USP2: variants seen among roughly 807,000 people sequenced by gnomAD.
USP2 encodes ubiquitin carboxyl-terminal hydrolase 2.
USP2 carries 33 observed loss-of-function variants against 72.0 expected under a neutral mutation model. The observed-to-expected ratio is 0.46, with a 90% CI of 0.35 to 0.61. USP2 has a LOEUF of 0.61. USP2 is among the 20% of genes least tolerant of loss of function. The pLI, the probability that USP2 is intolerant of heterozygous loss-of-function variation, is 0.01. For synonymous variants in USP2, 296 were observed against 312.5 expected (o/e 0.95, Z 0.56); for missense variants, 691 against 797.8 (o/e 0.87, Z 1.61).
intron 1 of USP2, among the ~76,000 whole-genome samples, chr11:119,378,440 T>C (rs1951026952): frequency 6.6e-6 from 1 of 152,160 alleles, no homozygotes; most frequent in Admixed American, 6.5e-5. Flanking sequence ...GCTTTGTCTA[T>C]CAGGGGCTAG....
Position 119,356,745 on chromosome 11 carries a change from T to G in USP2, c.*90A>C. 1 of 1,196,888 alleles carries G rather than the reference T, an allele frequency of 8.4e-7. No individual in the cohort carries two copies. The highest frequency in any genetic ancestry group is 1.2e-6 in the Non-Finnish European group (1 of 868,630). 74.1% of individuals were successfully genotyped at this position (1,196,888 alleles called of 1,614,324 possible). A position where few individuals can be genotyped will look rare whatever the true frequency, so the allele number is the denominator to read the frequency against. On this transcript the variant is annotated 3_prime_UTR_variant, in exon 13 of 13. Coordinates refer to ENST00000260187, the MANE Select transcript of USP2 (RefSeq NM_004205.5). Reference sequence around the variant, plus strand: ...TTGTTTTTCTCTTGTCAGGTTTGTGTGTTGTTGTTGTTGTTTTGTTTTTGT... The same window carrying G: ...TTGTTTTTCTCTTGTCAGGTTTGTGGGTTGTTGTTGTTGTTTTGTTTTTGT...
chr11:119,371,932 G>A (rs1358314953), intron 2 of USP2, among the ~76,000 whole-genome samples: 1 of 152,110 alleles, frequency 6.6e-6, no homozygotes, highest in Non-Finnish European at 1.5e-5. Flanking sequence ...CTGAGAGCTT[G>A]CCACCTAATG....
At chr11:119,380,869 TC>T (rs1951051594) in intron 1 of USP2, 1 of 155,238 alleles carries the variant, frequency 6.4e-6, no homozygotes, top group African/African-American at 2.4e-5. Context: ...TCAGTCCCAT[TC>T]TAAAGGCAGC....
Position 119,373,131 on chromosome 11 carries a change from A to C in USP2, c.350T>G (p.Val117Gly), listed in dbSNP as rs200277007. 2 of 1,613,956 alleles carry C rather than the reference A, an allele frequency of 1.2e-6. No individual in the cohort carries two copies. The highest frequency in any genetic ancestry group is 2.7e-5 in the African/African-American group (2 of 74,970). ...LSGGSGFPYG[V>G]TNNCLSYLPI... is the part of the protein sequence containing the mutation. ...CAGGTAGCTGAGGCAGTTGTTGGTC[A>C]CTCCATAAGGGAATCCGCTGCCCCC... The change falls in exon 2 of 13, where the codon GTG becomes GGG. Residue 117 changes from valine to glycine, a missense_variant. Physicochemically the swap from Val to Gly is moderately radical, Grantham distance 109. Coordinates refer to ENST00000260187, the MANE Select transcript of USP2 (RefSeq NM_004205.5).
chr11:119,357,507 T>C lies in USP2; in HGVS notation c.1585A>G (p.Arg529Gly), dbSNP rs935279473. ...VNFPLRDLDLREFASENTNHA... is the reference protein window; with the variant it reads ...VNFPLRDLDLGEFASENTNHA... ...CTGGTGTTTTCTGAGGCAAATTCTC[T>C]TAAGTCCAGGTCTCTTAGGGGGAAG... The change falls in exon 11 of 13, where the codon AGA (arginine) becomes GGA (glycine). Residue 529 changes from arginine (R) to glycine (G), a missense_variant. Arg to Gly is a moderately radical substitution (Grantham distance 125). Coordinates refer to ENST00000260187, the MANE Select transcript of USP2 (RefSeq NM_004205.5). 4 of 1,614,062 alleles carry C rather than the reference T, an allele frequency of 2.5e-6. No individual in the cohort carries two copies. The highest frequency in any genetic ancestry group is 2.7e-5 in the African/African-American group (2 of 74,928).
At chr11:119,373,748 A>G (rs1433561443) in intron 1 of USP2, among the ~76,000 whole-genome samples, 5 of 152,082 alleles carry the variant, frequency 3.3e-5, no homozygotes, top group Admixed American at 2.6e-4. Context: ...TGGCTTTTAT[A>G]TGCCACACAG....
chr11:119,360,481 TG>T (rs1464975096), intron 2 of USP2: 2 of 555,498 alleles, frequency 3.6e-6, no homozygotes, highest in Non-Finnish European at 6.7e-6. Context: ...TGGAGTGCAG[TG>T]GTACGATCTT....
At position 119,373,079 on chromosome 11, in the gene USP2, C is replaced by T. The variant is rs1390292043; in HGVS notation, c.402G>A (p.Val134=). 4 of 1,613,940 alleles carry T rather than the reference C, an allele frequency of 2.5e-6. No individual in the cohort carries two copies. The Admixed American group carries it at 6.7e-5, about 27-fold the overall frequency. ...YLPINAYDQG[V]TLTQKLDSQS... ...GGCTGTCCAGCTTCTGGGTTAGGGT[C>T]ACCCCCTGGTCATAGGCATTGATGG... The change falls in exon 2 of 13, where the codon GTG becomes GTA. Residue 134 remains valine (V), a synonymous_variant. Coordinates refer to ENST00000260187, the MANE Select transcript of USP2 (RefSeq NM_004205.5).
At chr11:119,370,353 C>A (rs1160675778) in intron 2 of USP2, among the ~76,000 whole-genome samples, 1 of 152,188 alleles carries the variant, frequency 6.6e-6, no homozygotes, top group African/African-American at 2.4e-5. Context: ...TCTTTTCATT[C>A]CTCAAGTAAT....
In USP2 at chr11:119,357,306, G is replaced by A. The variant is rs1950682195; in HGVS notation, c.1611C>T (p.Asn537=). The A allele has an allele frequency of 6.2e-7, 1 of 1,613,496 alleles. No homozygotes were observed. Among genetic ancestry groups the A allele is most frequent in the African/African-American group, 1.3e-5 (1 of 74,818 alleles). The change falls in exon 12 of 13, where the codon AAC becomes AAT. Residue 537 remains asparagine, a splice_region_variant and synonymous_variant. Coordinates refer to ENST00000260187, the MANE Select transcript of USP2 (RefSeq NM_004205.5). The stretch of plus-strand genomic sequence containing the variant: ...CAGCGTACAGGTTGTAAACAGCATG[G>A]TCTGAGGAGGAGGCAGCCGTCAAGC... The part of the protein sequence containing the change: ...DLREFASENT[N]HAVYNLYAVS...
chr11:119,362,841 T>C (rs938753431), intron 2 of USP2, among the ~76,000 whole-genome samples: 1 of 151,880 alleles, frequency 6.6e-6, no homozygotes, highest in Admixed American at 6.5e-5. Flanking sequence ...CTTCCTTCCA[T>C]TCAGCCATCA....
chr11:119,360,360 A>G, intron 2 of USP2, 126 bp from the exon 3 acceptor site: 1 of 922,714 alleles, frequency 1.1e-6, no homozygotes, highest in Non-Finnish European at 1.7e-6. Context: ...TTCTTTCTTC[A>G]ACTTTACCCA....
chr11:119,376,777 G>A (rs1450801990), intron 1 of USP2, among the ~76,000 whole-genome samples: 1 of 152,256 alleles, frequency 6.6e-6, no homozygotes, highest in Non-Finnish European at 1.5e-5. Context: ...CAGGCCCCAG[G>A]CATGTTGAGT....
intron 2 of USP2, among the ~76,000 whole-genome samples, chr11:119,365,133 C>T (rs187568449): frequency 6.6e-6 from 1 of 152,264 alleles, no homozygotes; most frequent in African/African-American, 2.4e-5. Context: ...AGCTTGCTGG[C>T]TATTTTTAGC....
Position 119,366,928 on chromosome 11 carries a change from C to T in USP2, c.774+5779G>A, listed in dbSNP as rs529528040. 8.9e-4 allele frequency among the ~76,000 whole-genome samples: 136 copies of T among 152,244 alleles called. No individual in the cohort carries two copies. The Middle Eastern group carries it at 0.01, about 11-fold the overall frequency. On this transcript the variant is annotated intron_variant, in intron 2 of 12. Coordinates refer to ENST00000260187, the MANE Select transcript of USP2 (RefSeq NM_004205.5). ...GAGGGGTTGCCAGGAGCAGGGAGGG[C>T]CAGATGCAGAAAGCTTTAGCGTGGG...
chr11:119,379,763 A>G (rs1951038533), intron 1 of USP2, among the ~76,000 whole-genome samples: 1 of 152,002 alleles, frequency 6.6e-6, no homozygotes, highest in African/African-American at 2.4e-5. Context: ...ATATTTGTAA[A>G]TTTCATGGCC....
intron 6 of USP2, 83 bp from the exon 7 acceptor site, chr11:119,358,920 A>G: frequency 6.3e-7 from 1 of 1,593,252 alleles, no homozygotes; most frequent in South Asian, 1.1e-5. Context: ...CTTCATCTTC[A>G]AAAGTAAATC....
chr11:119,363,284 A>T (rs1950793009), intron 2 of USP2, among the ~76,000 whole-genome samples: 1 of 152,080 alleles, frequency 6.6e-6, no homozygotes, highest in African/African-American at 2.4e-5. Context: ...CCGCGGAGGG[A>T]CCCGCTGCCC....
chr11:119,356,935 CG>C lies in USP2; in HGVS notation c.1731-14del, dbSNP rs1447394997. 7.1e-6 allele frequency: 11 copies of C among 1,553,020 alleles called. No individual in the cohort carries two copies. The highest frequency in any genetic ancestry group is 1.2e-5 in the South Asian group (1 of 84,260). ...CATGGGAGTGACGCTGCGGAGAGAGCGGGGAGTCAGCCCGGAGCGGGCAGGA... is the reference window on the plus strand; with the variant it reads ...CATGGGAGTGACGCTGCGGAGAGAGCGGGAGTCAGCCCGGAGCGGGCAGGA... On this transcript the variant is annotated splice_polypyrimidine_tract_variant and intron_variant, in intron 12 of 12. Transcript: ENST00000260187.
Sources: gnomAD v4.1 joint callset for allele counts (sites outside exome capture counted in the v4.1 genomes callset) on GRCh38, gnomAD v4.1.1 for gene constraint, MANE v1.5 for transcripts, NCBI Gene and HGNC (gene_info 2026-07-23, HGNC 2026-07-21) for gene names.